Variants in ARHGAP21 observed in about 807,000 individuals in gnomAD.
The protein encoded by ARHGAP21 is Rho GTPase activating protein 21, also known as rho GTPase-activating protein 21.
Under a neutral mutation model 164.6 loss-of-function variants are expected in ARHGAP21, and 38 were observed. That is an observed-to-expected ratio of 0.23 (90% confidence interval 0.18 to 0.30). ARHGAP21 has a LOEUF of 0.30. Ranked by LOEUF, ARHGAP21 falls within the 10% of genes least tolerant of loss-of-function variation. The pLI, the probability that ARHGAP21 is intolerant of heterozygous loss-of-function variation, is 1.00. For synonymous variants in ARHGAP21, 766 were observed against 857.9 expected (o/e 0.89, Z 1.87); for missense variants, 1,822 against 2,370.7 (o/e 0.77, Z 4.81).
chr10:24,595,565 CTT>C (rs1405489265), intron 19 of ARHGAP21, 150 bp downstream of exon 19: 7 of 729,728 alleles, frequency 9.6e-6, no homozygotes, highest in Middle Eastern at 7.9e-4. Context: ...ACCTAAATAA[CTT>C]TTATGTTTTT....
chr10:24,628,845 A>G (rs1835428590), intron 7 of ARHGAP21, among the ~76,000 whole-genome samples: 1 of 137,500 alleles, frequency 7.3e-6, no homozygotes, highest in Non-Finnish European at 1.5e-5. Flanking sequence ...ACATATATAC[A>G]CATACATATA....
At chr10:24,627,755 T>C (rs976828763) in intron 7 of ARHGAP21, among the ~76,000 whole-genome samples, 6 of 152,238 alleles carry the variant, frequency 3.9e-5, no homozygotes, top group African/African-American at 1.4e-4. Context: ...CTAATTTTTC[T>C]TTAAGTGACC....
chr10:24,683,092 T>C (rs1841924941), intron 2 of ARHGAP21, among the ~76,000 whole-genome samples: 1 of 107,694 alleles, frequency 9.3e-6, no homozygotes, highest in Non-Finnish European at 1.8e-5. Context: ...CGAAACTCCA[T>C]CTCAAAAAAA....
At chr10:24,656,749 GTCGGCCCCCCGCCCGGCC>G (rs1839021383) in intron 4 of ARHGAP21, among the ~76,000 whole-genome samples, 2 of 22,990 alleles carry the variant, frequency 8.7e-5, no homozygotes, top group Admixed American at 2.3e-4. Flanking sequence ...AGGTGGGGGG[GTCGGCCCCCCGCCCGGCC>G]AGCCGCCCCG....
intron 2 of ARHGAP21, among the ~76,000 whole-genome samples, chr10:24,709,784 C>G (rs1257622996): frequency 6.7e-6 from 1 of 148,580 alleles, no homozygotes; most frequent in Non-Finnish European, 1.5e-5. Context: ...ACAACAACAA[C>G]AACAACAACA....
chr10:24,592,156 A>AT (rs57846258), intron 21 of ARHGAP21, 144 bp from the exon 22 acceptor site: 4,311 of 213,068 alleles, frequency 0.02, 83 homozygotes, highest in African/African-American at 0.07. Flanking sequence ...TTCTAGCAAG[A>AT]TTTTTTTTTT....
intron 2 of ARHGAP21, among the ~76,000 whole-genome samples, chr10:24,718,550 A>G (rs940905438): frequency 7.2e-5 from 11 of 152,150 alleles, no homozygotes; most frequent in South Asian, 4.1e-4. Flanking sequence ...GATAGAAAGG[A>G]GGGGAGGAGA....
chr10:24,655,090 C>T (rs1838664366), intron 4 of ARHGAP21, among the ~76,000 whole-genome samples: 1 of 152,220 alleles, frequency 6.6e-6, no homozygotes, highest in Admixed American at 6.5e-5. Context: ...AAACTGGATC[C>T]CTTCCTTACA....
chr10:24,644,172 T>C (rs1475293728), intron 4 of ARHGAP21, among the ~76,000 whole-genome samples: 1 of 152,128 alleles, frequency 6.6e-6, no homozygotes, highest in African/African-American at 2.4e-5. Context: ...TAGTCATCAG[T>C]CCTCTTCAGG....
chr10:24,599,002 A>G (rs1265513918), intron 14 of ARHGAP21, among the ~76,000 whole-genome samples: 2 of 152,224 alleles, frequency 1.3e-5, no homozygotes, highest in South Asian at 4.1e-4. Context: ...TTAAAATAGT[A>G]TCTGCCATAT....
chr10:24,596,642 G>T, intron 17 of ARHGAP21, 98 bp downstream of exon 17: 1 of 1,508,156 alleles, frequency 6.6e-7, no homozygotes, highest in Non-Finnish European at 9.0e-7. Flanking sequence ...AAAACAGATT[G>T]ACAGTCTCTG....
chr10:24,595,619 G>T (rs2076548343), intron 19 of ARHGAP21, 98 bp downstream of exon 19: 4 of 1,261,846 alleles, frequency 3.2e-6, no homozygotes, highest in East Asian at 4.8e-5. Flanking sequence ...TGCTTCCTTT[G>T]ACCAAGACAT....
intron 2 of ARHGAP21, among the ~76,000 whole-genome samples, chr10:24,699,317 A>AATTATT (rs998968827): frequency 6.6e-6 from 1 of 151,356 alleles, no homozygotes; most frequent in Non-Finnish European, 1.5e-5. Context: ...ACATCTTTAG[A>AATTATT]ATTATTATTA....
At chr10:24,671,534 C>T (rs1395555233) in intron 2 of ARHGAP21, among the ~76,000 whole-genome samples, 6 of 152,084 alleles carry the variant, frequency 3.9e-5, no homozygotes, top group African/African-American at 7.2e-5. Flanking sequence ...TTCCCTTCTG[C>T]TATGATGGAT....
chr10:24,623,866 G>C (rs1834823099), intron 7 of ARHGAP21, among the ~76,000 whole-genome samples: 1 of 152,194 alleles, frequency 6.6e-6, no homozygotes, highest in Non-Finnish European at 1.5e-5. Flanking sequence ...AACATAATTA[G>C]AATATCTACT....
intron 2 of ARHGAP21, among the ~76,000 whole-genome samples, chr10:24,694,446 C>G (rs181836078): frequency 6.6e-6 from 1 of 152,228 alleles, no homozygotes; most frequent in African/African-American, 2.4e-5. Flanking sequence ...CTGAACACTT[C>G]CTTTCCTTCT....
intron 24 of ARHGAP21, chr10:24,589,678 C>T (rs980730535): frequency 5.2e-6 from 1 of 190,828 alleles, no homozygotes. Flanking sequence ...GAGACTGATA[C>T]ACAATGTAGA....
At position 24,722,002 on chromosome 10, in the gene ARHGAP21, C is replaced by T; in HGVS notation, c.-103G>A. ...GAAGGGGAAGAATTCCACAAGCAGG[C>T]TCCGAGGAGGGGCAGGGCTGTTGAA... On this transcript the variant is annotated 5_prime_UTR_variant, in exon 2 of 26. Coordinates refer to ENST00000396432, the MANE Select transcript of ARHGAP21 (RefSeq NM_020824.4). The T allele has an allele frequency of 7.9e-7, 1 of 1,271,710 alleles. No homozygotes were observed. The highest frequency in any genetic ancestry group is 1.9e-5 in the Admixed American group (1 of 52,762). 78.8% of individuals were successfully genotyped at this position (1,271,710 alleles called of 1,614,324 possible).
At chr10:24,676,161 A>C (rs1171419028) in intron 2 of ARHGAP21, among the ~76,000 whole-genome samples, 2 of 152,226 alleles carry the variant, frequency 1.3e-5, no homozygotes, top group African/African-American at 4.8e-5. Context: ...GGGAAAAAAC[A>C]AAAAACCCTA....
Sources: gnomAD v4.1 joint callset for allele counts (sites outside exome capture counted in the v4.1 genomes callset) on GRCh38, gnomAD v4.1.1 for gene constraint, MANE v1.5 for transcripts, NCBI Gene and HGNC (gene_info 2026-07-23, HGNC 2026-07-21) for gene names.